The following CES5A variants were observed in gnomAD, a reference collection of about 807,000 sequenced individuals.
CES5A encodes the protein carboxylesterase 5A, also known as carboxylesterase 5.
Under a neutral mutation model 62.9 loss-of-function variants are expected in CES5A, and 67 were observed. The observed-to-expected ratio is 1.07, with a 90% CI of 0.88 to 1.31. The LOEUF is 1.31. CES5A is among the 50% of genes most tolerant of loss of function. The probability of loss-of-function intolerance (pLI) is 0.00; values close to 1 mark genes in which losing one functional copy is unlikely to be tolerated. For missense variants in CES5A, 748 were observed against 708.5 expected (o/e 1.06, Z -0.63); for synonymous variants, 296 against 280.8 (o/e 1.05, Z -0.54).
intron 1 of CES5A, among the ~76,000 whole-genome samples, chr16:55,880,536 G>A (rs1285640808): frequency 1.3e-5 from 2 of 152,114 alleles, no homozygotes; most frequent in Non-Finnish European, 2.9e-5. Flanking sequence ...TCTGCTTTCA[G>A]GCACACAAAC....
chr16:55,890,390 C>T lies in CES5A; in HGVS notation c.-255-16353G>A, dbSNP rs149528400. ...CTTGAATTTTTTTTTTTTAATTTTA[C>T]TGTTTTGTTTGTGAAATTGTGGAGG... On this transcript the variant is annotated intron_variant, in intron 1 of 12. Transcript: ENST00000518005. Among the ~76,000 whole-genome samples the T allele has an allele frequency of 6.7e-3, 1,009 of 151,282 alleles. 16 individuals are homozygous for T. Among genetic ancestry groups the T allele is most frequent in the African/African-American group, 0.023 (964 of 41,218 alleles).
chr16:55,908,840 T>C (rs543323248), intron 1 of CES5A, among the ~76,000 whole-genome samples: 2 of 152,348 alleles, frequency 1.3e-5, no homozygotes, highest in Non-Finnish European at 2.9e-5. Context: ...GAGGCCTCTC[T>C]ACTTTTCCAC....
At chr16:55,877,222 G>T (rs999658596), upstream of CES5A, among the ~76,000 whole-genome samples, 1 of 152,122 alleles carries the variant, frequency 6.6e-6, no homozygotes, top group African/African-American at 2.4e-5. Flanking sequence ...GAGTGCGGGT[G>T]GGGTGGGGAG....
chr16:55,876,524 T>C (rs1215872447), upstream of CES5A, among the ~76,000 whole-genome samples: 2 of 152,178 alleles, frequency 1.3e-5, no homozygotes, highest in East Asian at 1.9e-4. Flanking sequence ...AGGGAAAGCA[T>C]GTGTGATGCA....
intron 2 of CES5A, among the ~76,000 whole-genome samples, chr16:55,947,758 G>T (rs1397936233): frequency 6.6e-6 from 1 of 152,030 alleles, no homozygotes; most frequent in Non-Finnish European, 1.5e-5. Context: ...ATTTTCAGCA[G>T]GGAGAACTTC....
chr16:55,851,397 A>G (rs2033130629), intron 10 of CES5A, among the ~76,000 whole-genome samples: 1 of 152,228 alleles, frequency 6.6e-6, no homozygotes, highest in East Asian at 1.9e-4. Flanking sequence ...GATGCTCAAC[A>G]TCTCTAATAA....
chr16:55,884,154 C>A (rs2033789517), intron 1 of CES5A, among the ~76,000 whole-genome samples: 1 of 152,296 alleles, frequency 6.6e-6, no homozygotes, highest in South Asian at 2.1e-4. Flanking sequence ...ATCTGGCCAC[C>A]TTTTCATTCA....
At chr16:55,882,796 T>C (rs372612935) in intron 1 of CES5A, among the ~76,000 whole-genome samples, 46 of 152,342 alleles carry the variant, frequency 3.0e-4, no homozygotes, top group African/African-American at 9.1e-4. Context: ...GAAATGTCCC[T>C]TCCTTGAGTT....
chr16:55,904,391 C>T (rs934283827), intron 1 of CES5A, among the ~76,000 whole-genome samples: 6 of 152,122 alleles, frequency 3.9e-5, no homozygotes, highest in Non-Finnish European at 7.3e-5. Context: ...GTAGAAATAG[C>T]CAGGATTTGA....
At chr16:55,930,401 C>T (rs1428503873), upstream of CES5A, among the ~76,000 whole-genome samples, 1 of 152,204 alleles carries the variant, frequency 6.6e-6, no homozygotes, top group Non-Finnish European at 1.5e-5. Context: ...ACCTTCCACT[C>T]CCTGCCCAGT....
intron 8 of CES5A, among the ~76,000 whole-genome samples, chr16:55,856,822 G>T (rs1426294693): frequency 6.6e-6 from 1 of 152,202 alleles, no homozygotes; most frequent in Non-Finnish European, 1.5e-5. Context: ...TTAAAATGTG[G>T]CTGTTAGAGT....
chr16:55,954,668 C>A (rs2034590654), intron 1 of CES5A, among the ~76,000 whole-genome samples: 1 of 152,132 alleles, frequency 6.6e-6, no homozygotes, highest in South Asian at 2.1e-4. Flanking sequence ...AGGTGTGGAA[C>A]CTCAGCCAGC....
At chr16:55,929,963 A>G (rs1399356910), upstream of CES5A, among the ~76,000 whole-genome samples, 1 of 150,680 alleles carries the variant, frequency 6.6e-6, no homozygotes, top group Admixed American at 6.6e-5. Context: ...TGGCCCCCTC[A>G]CCACCTTCCT....
chr16:55,907,482 C>G (rs1163166947), intron 1 of CES5A, among the ~76,000 whole-genome samples: 2 of 152,208 alleles, frequency 1.3e-5, no homozygotes, highest in African/African-American at 4.8e-5. Context: ...TATTCGGTGC[C>G]TCCAAGCTCC....
At position 55,913,625 on chromosome 16, in the gene CES5A, G is replaced by A. The variant is rs148228143; in HGVS notation, c.-256+11698C>T. Among the ~76,000 whole-genome samples the A allele has an allele frequency of 2.8e-3, 426 of 152,268 alleles. 3 individuals carry two copies. Among genetic ancestry groups the A allele is most frequent in the African/African-American group, 9.7e-3 (401 of 41,540 alleles). ...CAGGAATGAACAAGGACAGCTTAAA[G>A]GTTAGAAGCAAGATGGAGTCAGTTA... is the stretch of plus-strand genomic sequence containing the variant. On this transcript the variant is annotated intron_variant, in intron 1 of 12. Transcript: ENST00000518005.
upstream of CES5A, among the ~76,000 whole-genome samples, chr16:55,878,309 AG>A (rs1325124432): frequency 6.6e-6 from 1 of 152,032 alleles, no homozygotes; most frequent in Non-Finnish European, 1.5e-5. Context: ...CAGCTGCCTC[AG>A]GGTGGAAACC....
chr16:55,905,703 C>G (rs1022192526), intron 1 of CES5A, among the ~76,000 whole-genome samples: 13 of 152,218 alleles, frequency 8.5e-5, no homozygotes, highest in Middle Eastern at 3.4e-3. Flanking sequence ...ACGCCCAGAG[C>G]AAGCCCCAGT....
upstream of CES5A, among the ~76,000 whole-genome samples, chr16:55,929,663 A>G (rs1410200037): frequency 6.6e-6 from 1 of 152,212 alleles, no homozygotes; most frequent in Non-Finnish European, 1.5e-5. Context: ...TCCATGGTGA[A>G]CAAACTAGCA....
intron 2 of CES5A, among the ~76,000 whole-genome samples, chr16:55,942,638 T>C (rs1464424710): frequency 6.6e-6 from 1 of 152,204 alleles, no homozygotes; most frequent in Non-Finnish European, 1.5e-5. Context: ...TTCTACTAAA[T>C]TTACTCATGT....
Sources: gnomAD v4.1 joint callset for allele counts (sites outside exome capture counted in the v4.1 genomes callset) on GRCh38, gnomAD v4.1.1 for gene constraint, MANE v1.5 for transcripts, NCBI Gene and HGNC (gene_info 2026-07-23, HGNC 2026-07-21) for gene names.